Variants in DNAJC3 observed in about 807,000 individuals in gnomAD.
The protein encoded by DNAJC3 is dnaJ homolog subfamily C member 3.
DNAJC3 carries 38 observed loss-of-function variants against 68.6 expected under a neutral mutation model. The ratio of observed to expected loss-of-function variants is 0.55; its 90% CI spans 0.43 to 0.73. The LOEUF is 0.73. Ranked by LOEUF, DNAJC3 falls within the 30% of genes least tolerant of loss-of-function variation. The probability of loss-of-function intolerance (pLI) is 0.00; values close to 1 mark genes in which losing one functional copy is unlikely to be tolerated. For synonymous variants in DNAJC3, 203 were observed against 204.0 expected, an observed-to-expected ratio of 1.00 and a Z score of 0.04; for missense variants, 526 against 591.9, an observed-to-expected ratio of 0.89 and a Z score of 1.16.
At chr13:95,688,921 TGTGTGG>T (rs1266142856) in intron 1 of DNAJC3, among the ~76,000 whole-genome samples, 72 of 98,634 alleles carry the variant, frequency 7.3e-4, no homozygotes, top group Admixed American at 5.2e-3. Context: ...CCCATTTGAT[TGTGTGG>T]GTGTGTGTGT....
At chr13:95,735,776 G>A (rs1243045417) in intron 4 of DNAJC3, among the ~76,000 whole-genome samples, 1 of 152,036 alleles carries the variant, frequency 6.6e-6, no homozygotes, top group Non-Finnish European at 1.5e-5. Context: ...TAGGTTGCCT[G>A]TTCACTCTGA....
chr13:95,719,812 G>A (rs1881261415), intron 2 of DNAJC3, among the ~76,000 whole-genome samples: 1 of 152,098 alleles, frequency 6.6e-6, no homozygotes, highest in Non-Finnish European at 1.5e-5. Context: ...TGTGTATGAT[G>A]GGATCCTTAA....
chr13:95,757,769 T>C lies in DNAJC3; in HGVS notation c.519T>C (p.Ala173=). 4 of 1,552,796 alleles carry C rather than the reference T, an allele frequency of 2.6e-6. No homozygotes were observed. Among genetic ancestry groups the C allele is most frequent in the Non-Finnish European group, 3.5e-6 (4 of 1,134,390 alleles). ...NAFGSGDYTA[A]IAFLDKILEV... ...TTGGAAGTGGAGATTATACTGCTGCTATAGCCTTCCTTGATAAGATTTTAG... is the reference window on the plus strand; with the variant it reads ...TTGGAAGTGGAGATTATACTGCTGCCATAGCCTTCCTTGATAAGATTTTAG... Residue 173 remains alanine, a synonymous_variant, in exon 5 of 12, where the codon GCT becomes GCC. Coordinates refer to ENST00000602402, the MANE Select transcript of DNAJC3 (RefSeq NM_006260.5).
intron 4 of DNAJC3, chr13:95,745,713 A>G (rs1269827419): frequency 1.3e-5 from 2 of 152,212 alleles, no homozygotes; most frequent in African/African-American, 4.8e-5. Flanking sequence ...TAGCCCTCAT[A>G]TGCTGGATTT....
intron 11 of DNAJC3, among the ~76,000 whole-genome samples, chr13:95,788,842 G>A (rs531599772): frequency 6.6e-6 from 1 of 152,240 alleles, no homozygotes; most frequent in South Asian, 2.1e-4. Context: ...TCAAAGATAT[G>A]GGGCCTGAGT....
chr13:95,718,556 ATGC>A (rs1257066143), intron 2 of DNAJC3, among the ~76,000 whole-genome samples: 1 of 152,190 alleles, frequency 6.6e-6, no homozygotes, highest in Non-Finnish European at 1.5e-5. Flanking sequence ...GTGCACCACC[ATGC>A]CTGGCTAATT....
intron 9 of DNAJC3, among the ~76,000 whole-genome samples, chr13:95,768,383 G>T (rs980515000): frequency 3.3e-5 from 5 of 152,146 alleles, no homozygotes; most frequent in African/African-American, 1.2e-4. Context: ...AAACAATATT[G>T]TGTGGGATAT....
At chr13:95,687,793 A>G (rs1203016680) in intron 1 of DNAJC3, among the ~76,000 whole-genome samples, 2 of 152,146 alleles carry the variant, frequency 1.3e-5, no homozygotes, top group Non-Finnish European at 2.9e-5. Context: ...TAGAATATAT[A>G]TATTTTTAAT....
At chr13:95,696,365 C>G (rs1295303889) in intron 1 of DNAJC3, among the ~76,000 whole-genome samples, 1 of 152,112 alleles carries the variant, frequency 6.6e-6, no homozygotes, top group East Asian at 1.9e-4. Context: ...TGAAACTGTA[C>G]CTGGCATCTG....
intron 4 of DNAJC3, among the ~76,000 whole-genome samples, chr13:95,743,424 G>A (rs1172899958): frequency 2.6e-5 from 4 of 152,144 alleles, no homozygotes; most frequent in Admixed American, 6.6e-5. Context: ...GATTAGTGGC[G>A]GTTTGGCTGC....
chr13:95,715,323 A>G (rs1287921021), intron 2 of DNAJC3, among the ~76,000 whole-genome samples: 1 of 152,166 alleles, frequency 6.6e-6, no homozygotes, highest in Non-Finnish European at 1.5e-5. Context: ...GGATTGCCTG[A>G]GCCCAGGAGT....
At chr13:95,782,527 T>C (rs1883484344) in intron 9 of DNAJC3, among the ~76,000 whole-genome samples, 1 of 152,212 alleles carries the variant, frequency 6.6e-6, no homozygotes, top group African/African-American at 2.4e-5. Context: ...CTCATTGTGG[T>C]TTTGATTTGC....
chr13:95,767,823 G>T (rs1352350559), intron 9 of DNAJC3, among the ~76,000 whole-genome samples: 3 of 151,150 alleles, frequency 2.0e-5, no homozygotes, highest in African/African-American at 7.3e-5. Context: ...CTTAGTAGCT[G>T]GGATTGCATG....
chr13:95,725,774 T>C (rs1881490406), intron 4 of DNAJC3, among the ~76,000 whole-genome samples: 3 of 150,930 alleles, frequency 2.0e-5, no homozygotes, highest in African/African-American at 7.3e-5. Flanking sequence ...GCTGCACCCA[T>C]TAACTCGTCA....
intron 1 of DNAJC3, among the ~76,000 whole-genome samples, chr13:95,705,952 A>G (rs1198453427): frequency 1.3e-5 from 2 of 152,150 alleles, no homozygotes; most frequent in African/African-American, 4.8e-5. Context: ...CAACCTTCCT[A>G]TCTCTCTAAA....
chr13:95,738,724 C>T lies in DNAJC3; in HGVS notation c.393+13472C>T, dbSNP rs559164269. Among the ~76,000 whole-genome samples the T allele has an allele frequency of 1.4e-3, 214 of 152,196 alleles. 1 individual carries two copies. The highest frequency in any genetic ancestry group is 4.3e-3 in the African/African-American group (179 of 41,512). On this transcript the variant is annotated intron_variant, in intron 4 of 11. Coordinates refer to ENST00000602402, the MANE Select transcript of DNAJC3 (RefSeq NM_006260.5). ...TTTTGGGCTTATGTGTGTCTCTGCA[C>T]GTGAGATGGGTTTCCTGAATACAGC...
At chr13:95,742,770 CTTTAAA>C (rs1272983419) in intron 4 of DNAJC3, 1 of 518,890 alleles carries the variant, frequency 1.9e-6, no homozygotes, top group Non-Finnish European at 3.8e-6. Flanking sequence ...CTTCCTCAGT[CTTTAAA>C]TTTGATGAAG....
chr13:95,748,700 C>A (rs1056856014), intron 4 of DNAJC3, among the ~76,000 whole-genome samples: 1 of 152,196 alleles, frequency 6.6e-6, no homozygotes, highest in African/African-American at 2.4e-5. Context: ...CCTGTAATCC[C>A]AGCTACTCAG....
intron 4 of DNAJC3, among the ~76,000 whole-genome samples, chr13:95,743,312 T>G (rs1245618904): frequency 6.6e-6 from 1 of 152,200 alleles, no homozygotes; most frequent in Admixed American, 6.5e-5. Flanking sequence ...ATGTGGGCAG[T>G]GAGTACTTAT....
Sources: gnomAD v4.1 joint callset for allele counts (sites outside exome capture counted in the v4.1 genomes callset) on GRCh38, gnomAD v4.1.1 for gene constraint, MANE v1.5 for transcripts, NCBI Gene and HGNC (gene_info 2026-07-23, HGNC 2026-07-21) for gene names.